DNAH7: variants seen among roughly 807,000 people sequenced by gnomAD.
DNAH7 encodes the protein dynein axonemal heavy chain 7.
In DNAH7, 397 loss-of-function variants were observed where a neutral mutation model predicts 444.6. The ratio of observed to expected loss-of-function variants is 0.89; its 90% CI spans 0.82 to 0.97. The LOEUF (loss-of-function observed/expected upper bound fraction) is 0.97, where lower values mean the gene tolerates loss of function less well. Ranked by LOEUF, DNAH7 falls within the 50% of genes least tolerant of loss-of-function variation. The pLI is 0.00. For missense variants in DNAH7, 4,902 were observed against 4,800.8 expected, an observed-to-expected ratio of 1.02 and a Z score of -0.62; for synonymous variants, 1,636 against 1,624.4, an observed-to-expected ratio of 1.01 and a Z score of -0.17.
intron 9 of DNAH7, among the ~76,000 whole-genome samples, chr2:196,018,170 CT>C (rs1695144148): frequency 6.6e-6 from 1 of 152,022 alleles, no homozygotes; most frequent in South Asian, 2.1e-4. Context: ...ATTCAAATAA[CT>C]AACAAACACA....
At chr2:196,057,068 G>A (rs1386107443) in intron 2 of DNAH7, among the ~76,000 whole-genome samples, 1 of 152,112 alleles carries the variant, frequency 6.6e-6, no homozygotes, top group Non-Finnish European at 1.5e-5. Context: ...ATCATTCTAT[G>A]TCTTAATTAC....
intron 17 of DNAH7, among the ~76,000 whole-genome samples, chr2:195,963,657 G>GC (rs746423294): frequency 8.3e-4 from 127 of 152,288 alleles, no homozygotes; most frequent in Non-Finnish European, 1.5e-3. Context: ...GCCTGTGCTT[G>GC]TGGGGTATTA....
intron 12 of DNAH7, among the ~76,000 whole-genome samples, chr2:195,989,754 A>G (rs923338851): frequency 3.3e-5 from 5 of 152,092 alleles, no homozygotes; most frequent in Non-Finnish European, 2.9e-5. Context: ...AGATCTGGTC[A>G]TTTAAAAGTG....
intron 24 of DNAH7, 127 bp downstream of exon 24, chr2:195,921,961 G>T: frequency 1.7e-6 from 1 of 581,978 alleles, no homozygotes; most frequent in Non-Finnish European, 3.0e-6. Context: ...GGAAAATCAA[G>T]GGTCTAGGAA....
intron 1 of DNAH7, among the ~76,000 whole-genome samples, chr2:196,061,598 C>A (rs1170092804): frequency 6.6e-6 from 1 of 152,106 alleles, no homozygotes; most frequent in Non-Finnish European, 1.5e-5. Flanking sequence ...AGTAGTAAAC[C>A]CTTTGAGCTT....
chr2:195,807,959 G>A (rs1376085886), intron 53 of DNAH7, among the ~76,000 whole-genome samples: 1 of 152,114 alleles, frequency 6.6e-6, no homozygotes, highest in Admixed American at 6.6e-5. Flanking sequence ...GGTTGTATAG[G>A]TAACAAAATA....
At chr2:195,740,276 C>T (rs575157918) in intron 64 of DNAH7, among the ~76,000 whole-genome samples, 5 of 152,108 alleles carry the variant, frequency 3.3e-5, no homozygotes, top group Non-Finnish European at 7.4e-5. Context: ...TGAGCCACTG[C>T]GCCCAGCCAG....
chr2:195,973,658 G>C (rs1456661402), intron 15 of DNAH7, among the ~76,000 whole-genome samples: 1 of 152,032 alleles, frequency 6.6e-6, no homozygotes, highest in East Asian at 1.9e-4. Context: ...TTTGAGTAGA[G>C]ATGGGGTTTC....
intron 5 of DNAH7, among the ~76,000 whole-genome samples, chr2:196,046,608 A>C (rs143161719): frequency 1.6e-4 from 25 of 152,246 alleles, no homozygotes; most frequent in African/African-American, 5.8e-4. Context: ...ACTCTAGAAG[A>C]AGCACATACG....
chr2:195,960,596 C>T lies in DNAH7; in HGVS notation c.2555G>A (p.Arg852Lys). The change falls in exon 18 of 65, where the codon AGG (arginine) becomes AAG (lysine). Residue 852 changes from arginine to lysine, a missense_variant. Physicochemically the swap from Arg to Lys is conservative, Grantham distance 26. Transcript: ENST00000312428. Reference sequence around the variant, plus strand: ...AATGGCAGACATGGCCTCCCAGTGCCTGGGGCGCAAACCAGGATTACAGAT... The same window carrying T: ...AATGGCAGACATGGCCTCCCAGTGCTTGGGGCGCAAACCAGGATTACAGAT... ...QVICNPGLRP[R>K]HWEAMSAIVG... 1 of 1,614,202 alleles carries T rather than the reference C, an allele frequency of 6.2e-7. No homozygotes were observed. Among genetic ancestry groups the T allele is most frequent in the Non-Finnish European group, 8.5e-7 (1 of 1,180,028 alleles).
Position 196,016,922 on chromosome 2 carries a change from C to A in DNAH7, c.869+2248G>T, listed in dbSNP as rs369683387. Among the ~76,000 whole-genome samples the A allele has an allele frequency of 2.0e-5, 3 of 152,144 alleles. 1 individual carries two copies. The South Asian group carries it at 6.2e-4, about 32-fold the overall frequency. On this transcript the variant is annotated intron_variant, in intron 9 of 64. Coordinates refer to ENST00000312428, the MANE Select transcript of DNAH7 (RefSeq NM_018897.3). ...AAACCGAAAATCTATATAAAAATTA[C>A]GAACTCTTACTGAAATATATACACG...
rs1348073927 is a variant in DNAH7, at chr2:195,960,627, G to C, written c.2524C>G (p.Gln842Glu). Residue 842 changes from glutamine to glutamate, a missense_variant, in exon 18 of 65, where the codon CAA becomes GAA. Physicochemically the swap from Gln to Glu is conservative, Grantham distance 29 (BLOSUM62 2). Coordinates refer to ENST00000312428, the MANE Select transcript of DNAH7 (RefSeq NM_018897.3). ...CGCAAACCAGGATTACAGATCACTTGAATGAGAGGAATGTGCTGCTTGAAA... is the reference window on the plus strand; with the variant it reads ...CGCAAACCAGGATTACAGATCACTTCAATGAGAGGAATGTGCTGCTTGAAA... Reference protein sequence around the residue: ...EDFKQHIPLIQVICNPGLRPR... With the variant: ...EDFKQHIPLIEVICNPGLRPR... 1 of 1,614,100 alleles carries C rather than the reference G, an allele frequency of 6.2e-7. No homozygotes were observed. Among genetic ancestry groups the C allele is most frequent in the African/African-American group, 1.3e-5 (1 of 74,950 alleles).
intron 20 of DNAH7, among the ~76,000 whole-genome samples, chr2:195,936,011 G>A (rs7558198): frequency 0.12 from 18,018 of 152,204 alleles, 1,449 homozygotes; most frequent in African/African-American, 0.22. Flanking sequence ...ACCATCATGA[G>A]AGCAGTGGCT....
chr2:195,766,114 G>T (rs1346733278), intron 61 of DNAH7, among the ~76,000 whole-genome samples: 1 of 148,546 alleles, frequency 6.7e-6, no homozygotes, highest in Admixed American at 6.8e-5. Context: ...AGCGAAAAAA[G>T]CCAGGCACTA....
intron 10 of DNAH7, among the ~76,000 whole-genome samples, chr2:196,007,221 C>T (rs576652600): frequency 1.3e-5 from 2 of 152,164 alleles, no homozygotes; most frequent in South Asian, 4.2e-4. Context: ...TTGGTACTGG[C>T]ATAAAGACAA....
At chr2:195,787,799 G>A (rs974348646) in intron 57 of DNAH7, among the ~76,000 whole-genome samples, 1 of 152,128 alleles carries the variant, frequency 6.6e-6, no homozygotes, top group Non-Finnish European at 1.5e-5. Context: ...AAAGTAGGGA[G>A]AGGATGGTAA....
chr2:195,981,252 A>T (rs1692552473), intron 15 of DNAH7, among the ~76,000 whole-genome samples: 1 of 152,118 alleles, frequency 6.6e-6, no homozygotes, highest in African/African-American at 2.4e-5. Context: ...CAATAGCCAT[A>T]AATAAAATTA....
chr2:195,852,913 C>CAGAGAGAGAGAGAGAGAG (rs909240212), intron 46 of DNAH7, among the ~76,000 whole-genome samples: 2 of 134,626 alleles, frequency 1.5e-5, no homozygotes, highest in Non-Finnish European at 1.6e-5. Flanking sequence ...CACACACACA[C>CAGAGAGAGAGAGAGAGAG]ACAGAGAGAG....
chr2:195,923,923 A>G, intron 22 of DNAH7, 116 bp from the exon 23 acceptor site: 2 of 940,242 alleles, frequency 2.1e-6, no homozygotes, highest in Non-Finnish European at 1.6e-6. Flanking sequence ...ACAACTTTCC[A>G]TGTAATACAA....
Sources: gnomAD v4.1 joint callset for allele counts (sites outside exome capture counted in the v4.1 genomes callset) on GRCh38, gnomAD v4.1.1 for gene constraint, MANE v1.5 for transcripts, NCBI Gene and HGNC (gene_info 2026-07-23, HGNC 2026-07-21) for gene names.